Variants in MCF2L2 observed in about 807,000 individuals in gnomAD.
The protein encoded by MCF2L2 is probable guanine nucleotide exchange factor MCF2L2.
In MCF2L2, 102 loss-of-function variants were observed where a neutral mutation model predicts 150.2. That is an observed-to-expected ratio of 0.68 (90% CI 0.58 to 0.80). MCF2L2 has a LOEUF of 0.80. MCF2L2 is among the 30% of genes least tolerant of loss of function. The probability of loss-of-function intolerance (pLI) is 0.00; values close to 1 mark genes in which losing one functional copy is unlikely to be tolerated. For synonymous variants in MCF2L2, 465 were observed against 491.3 expected (o/e 0.95, Z 0.71); for missense variants, 1,256 against 1,372.8 (o/e 0.91, Z 1.34).
chr3:183,419,740 G>C (rs1182896870), intron 1 of MCF2L2, among the ~76,000 whole-genome samples: 1 of 152,146 alleles, frequency 6.6e-6, no homozygotes, highest in East Asian at 1.9e-4. Context: ...AGCCATGGTG[G>C]CATGCACCTG....
intron 3 of MCF2L2, among the ~76,000 whole-genome samples, chr3:183,359,524 C>T (rs1251458947): frequency 1.3e-5 from 2 of 152,208 alleles, no homozygotes; most frequent in African/African-American, 4.8e-5. Context: ...GCCATATCAC[C>T]TTGAACACAC....
chr3:183,319,135 G>T (rs921972124), intron 6 of MCF2L2, among the ~76,000 whole-genome samples: 4 of 152,218 alleles, frequency 2.6e-5, no homozygotes, highest in Non-Finnish European at 5.9e-5. Context: ...CCACTGCTTT[G>T]TAGACTAAGT....
At chr3:183,304,535 G>A (rs1729007531) in intron 10 of MCF2L2, among the ~76,000 whole-genome samples, 1 of 141,694 alleles carries the variant, frequency 7.1e-6, no homozygotes, top group South Asian at 2.2e-4. Flanking sequence ...GCTTGATCTA[G>A]GCTCACTGAA....
intron 25 of MCF2L2, among the ~76,000 whole-genome samples, chr3:183,203,217 A>C (rs1022019842): frequency 1.3e-5 from 2 of 152,168 alleles, no homozygotes; most frequent in African/African-American, 4.8e-5. Context: ...TGTCTCAAAA[A>C]AGAAAAAAAA....
At chr3:183,391,393 C>T (rs1401426604) in intron 1 of MCF2L2, among the ~76,000 whole-genome samples, 1 of 152,106 alleles carries the variant, frequency 6.6e-6, no homozygotes, top group Non-Finnish European at 1.5e-5. Flanking sequence ...TTCTTCATCC[C>T]AATACCACTT....
intron 6 of MCF2L2, among the ~76,000 whole-genome samples, chr3:183,319,222 CT>C (rs760753010): frequency 6.6e-6 from 1 of 152,220 alleles, no homozygotes; most frequent in Admixed American, 6.5e-5. Context: ...GAAGAAATCA[CT>C]TTTTTTGCTC....
intron 3 of MCF2L2, among the ~76,000 whole-genome samples, chr3:183,369,632 CTTG>C (rs1321157841): frequency 6.6e-6 from 1 of 152,188 alleles, no homozygotes; most frequent in Non-Finnish European, 1.5e-5. Flanking sequence ...TAGACCCTCT[CTTG>C]AAGAGTCCAT....
rs1359599251 is a variant in MCF2L2, at chr3:183,179,209, C to T, written c.*171G>A. The T allele has an allele frequency of 2.2e-6, 2 of 900,824 alleles. No individual in the cohort carries two copies. Among genetic ancestry groups the T allele is most frequent in the Non-Finnish European group, 3.0e-6 (2 of 661,636 alleles). 55.8% of individuals were successfully genotyped at this position (900,824 alleles called of 1,614,324 possible). On this transcript the variant is annotated 3_prime_UTR_variant, in exon 30 of 30. Coordinates refer to ENST00000328913, the MANE Select transcript of MCF2L2 (RefSeq NM_015078.4). This position sits in a 1 kb window ranked among gnomAD's most constrained non-coding sequence, Gnocchi z 4.2. ...GGTCCCCCGTGCGGAGCTAGGCGCG[C>T]ACCCAGGACACCCCTCGGGCTCCTC...
Position 183,206,196 on chromosome 3 carries a change from G to A in MCF2L2, c.2731C>T (p.Arg911Cys), listed in dbSNP as rs61750384. Residue 911 changes from arginine (R) to cysteine (C), a missense_variant, in exon 24 of 30, where the codon CGC becomes TGC. By Grantham distance (180) the Arg-to-Cys change is radical (BLOSUM62 -3). Transcript: ENST00000328913. ...KTMKLMTLSI[R>C]QLGRGSHRKF... ...CTATGGCTCCCCCTTCCAAGCTGGC[G>A]AATTGAAAGTGTCATCAGCTATTAT... The A allele has an allele frequency of 1.8e-3, 2,868 of 1,613,824 alleles. 3 individuals are homozygous for A. The highest frequency in any genetic ancestry group is 3.7e-3 in the Admixed American group (222 of 60,006).
chr3:183,339,545 C>T (rs183446631), intron 4 of MCF2L2, among the ~76,000 whole-genome samples: 11 of 152,228 alleles, frequency 7.2e-5, no homozygotes, highest in Admixed American at 5.2e-4. Flanking sequence ...AGGCTAGAGT[C>T]GTAAAATAAT....
chr3:183,212,627 G>C (rs909760408), intron 22 of MCF2L2, among the ~76,000 whole-genome samples: 3 of 152,110 alleles, frequency 2.0e-5, no homozygotes, highest in Non-Finnish European at 4.4e-5. Flanking sequence ...AGCTTCTTTT[G>C]GGTGCCCGTG....
At chr3:183,281,430 T>G (rs1338766060) in intron 14 of MCF2L2, among the ~76,000 whole-genome samples, 1 of 146,202 alleles carries the variant, frequency 6.8e-6, no homozygotes, top group Admixed American at 7.0e-5. Flanking sequence ...GAATCTACCC[T>G]AGCAGCACAT....
At chr3:183,262,367 G>A (rs1408114778) in intron 15 of MCF2L2, among the ~76,000 whole-genome samples, 1 of 152,142 alleles carries the variant, frequency 6.6e-6, no homozygotes, top group Admixed American at 6.6e-5. Flanking sequence ...GGGGAGTCAG[G>A]TGAGGCAGGG....
At position 183,239,455 on chromosome 3, in the gene MCF2L2, A is replaced by G. The variant is rs191638458; in HGVS notation, c.1863-8438T>C. Among the ~76,000 whole-genome samples the G allele has an allele frequency of 5.6e-3, 793 of 142,284 alleles. 5 individuals are homozygous for G. The highest frequency in any genetic ancestry group is 6.9e-3 in the Non-Finnish European group (444 of 63,976). 93.3% of individuals were successfully genotyped at this position (142,284 alleles called of 152,430 possible). A position where few individuals can be genotyped will look rare whatever the true frequency, so the allele number is the denominator to read the frequency against. On this transcript the variant is annotated intron_variant, in intron 15 of 29. Transcript: ENST00000328913. ...CAACCAAGGGGCAGGAATGAAAGGAATATGCTAAAAAAAAAAAATGCAATC... is the reference window on the plus strand; with the variant it reads ...CAACCAAGGGGCAGGAATGAAAGGAGTATGCTAAAAAAAAAAAATGCAATC...
intron 13 of MCF2L2, among the ~76,000 whole-genome samples, chr3:183,291,901 A>T (rs1157517345): frequency 1.3e-5 from 2 of 152,364 alleles, no homozygotes; most frequent in East Asian, 3.9e-4. Flanking sequence ...TACTTGAAAC[A>T]AACATATGTA....
At chr3:183,421,687 G>A (rs915806453) in intron 1 of MCF2L2, among the ~76,000 whole-genome samples, 2 of 152,162 alleles carry the variant, frequency 1.3e-5, no homozygotes, top group Non-Finnish European at 2.9e-5. Flanking sequence ...TTATTTAAGG[G>A]TCACACTTTC....
rs780543952 is a variant in MCF2L2 at position 183,205,894 on chromosome 3, G to A, written c.2866C>T (p.Gln956Ter). 1 of 1,613,622 alleles carries A rather than the reference G, an allele frequency of 6.2e-7. No individual in the cohort carries two copies. The highest frequency in any genetic ancestry group is 1.7e-5 in the Admixed American group (1 of 59,986). The change falls in exon 25 of 30, where the codon CAA (glutamine) becomes TAA (stop). Residue 956 changes from glutamine (Q) to a stop codon, truncating the protein, a stop_gained. Coordinates refer to ENST00000328913, the MANE Select transcript of MCF2L2 (RefSeq NM_015078.4). LOFTEE classifies it high-confidence loss of function. Reference protein sequence around the residue: ...FSEISKLLMEQQNNIKDQGNP... With the variant: ...FSEISKLLME ...AACCTACCTTTGATATTATTTTGTT[G>A]TTCCATCAATAATTTACTTATTTCT...
intron 5 of MCF2L2, among the ~76,000 whole-genome samples, chr3:183,334,652 A>T (rs7648611): frequency 1.3e-5 from 2 of 151,312 alleles, no homozygotes; most frequent in Non-Finnish European, 2.9e-5. Context: ...AATTATCCGG[A>T]TGTAATGGCA....
chr3:183,294,707 C>T (rs2108488672), intron 13 of MCF2L2, among the ~76,000 whole-genome samples: 1 of 150,852 alleles, frequency 6.6e-6, no homozygotes, highest in East Asian at 1.9e-4. Flanking sequence ...CCGCTAACTG[C>T]AAGCTCTGCC....
Sources: gnomAD v4.1 joint callset for allele counts (sites outside exome capture counted in the v4.1 genomes callset) on GRCh38, gnomAD v4.1.1 for gene constraint, Gnocchi (gnomAD v3.1) non-coding constraint, MANE v1.5 for transcripts, NCBI Gene and HGNC (gene_info 2026-07-23, HGNC 2026-07-21) for gene names.